Variants in RNF135 observed in about 807,000 individuals in gnomAD.
The protein encoded by RNF135 is ring finger protein 135.
Under a neutral mutation model 41.9 loss-of-function variants are expected in RNF135, and 46 were observed. That is an observed-to-expected ratio of 1.10 (90% CI 0.87 to 1.40). The LOEUF (loss-of-function observed/expected upper bound fraction) is 1.40. Among genes scored for constraint, RNF135 ranks in the 40% most tolerant of loss-of-function variants. The pLI is 0.00. For synonymous variants in RNF135, 238 were observed against 223.8 expected (o/e 1.06, Z -0.57); for missense variants, 539 against 549.8 (o/e 0.98, Z 0.20).
rs1405577928 is a variant in RNF135 at position 30,999,257 on chromosome 17, AACTTG to A, written c.*71_*75del. 6 of 1,549,520 alleles carry A rather than the reference AACTTG, an allele frequency of 3.9e-6. No homozygotes were observed. The highest frequency in any genetic ancestry group is 5.3e-6 in the Non-Finnish European group (6 of 1,133,974). ...TCTCCCTGTCATCAATCAGGGTAGTAACTTGACTTAAGAATACCACTTTTTAGAAA... is the reference window on the plus strand; with the variant it reads ...TCTCCCTGTCATCAATCAGGGTAGTAACTTAAGAATACCACTTTTTAGAAA... On this transcript the variant is annotated 3_prime_UTR_variant, in exon 5 of 5. Coordinates refer to ENST00000328381, the MANE Select transcript of RNF135 (RefSeq NM_032322.4).
chr17:30,984,364 A>T (rs766179946), intron 1 of RNF135, among the ~76,000 whole-genome samples: 2 of 152,170 alleles, frequency 1.3e-5, no homozygotes, highest in Non-Finnish European at 2.9e-5. Context: ...ATTCTTTTGC[A>T]TATAGATATC....
chr17:30,971,429 G>T lies in RNF135; in HGVS notation c.356G>T (p.Arg119Leu). The T allele has an allele frequency of 1.3e-6, 2 of 1,514,310 alleles. No homozygotes were observed. Among genetic ancestry groups the T allele is most frequent in the Non-Finnish European group, 1.8e-6 (2 of 1,138,662 alleles). 93.8% of individuals were successfully genotyped at this position (1,514,310 alleles called of 1,614,324 possible). ...LSSAAARPRR[R>L]PELQRVAVEK... ...AGCGCGGCCGCGAGGCCCCGGCGCC[G>T]CCCGGAACTGCAGCGGGTAGGGAGG... Residue 119 changes from arginine to leucine, a missense_variant, in exon 1 of 5, where the codon CGC becomes CTC. Coordinates refer to ENST00000328381, the MANE Select transcript of RNF135 (RefSeq NM_032322.4).
intron 1 of RNF135, chr17:30,973,189 C>T (rs1906141805): frequency 6.6e-6 from 1 of 152,056 alleles, no homozygotes; most frequent in African/African-American, 2.4e-5. Context: ...AGTCCTTTGA[C>T]CATTTTAAAA....
chr17:30,998,624 C>T (rs940233467), intron 4 of RNF135, 38 bp from the exon 5 acceptor site: 2 of 1,602,428 alleles, frequency 1.2e-6, no homozygotes, highest in Non-Finnish European at 1.7e-6. Flanking sequence ...CAAAAGATGA[C>T]CGGCCATGTT....
intron 1 of RNF135, chr17:30,975,507 C>T (rs529701933): frequency 1.3e-4 from 104 of 777,592 alleles, no homozygotes; most frequent in Admixed American, 7.3e-4. Context: ...AACCCATACC[C>T]AAACCCCTGC....
At chr17:30,970,990 A>T, upstream of RNF135, 1 of 1,515,742 alleles carries the variant, frequency 6.6e-7, no homozygotes, top group Non-Finnish European at 8.8e-7. Context: ...GAGGAGGGCA[A>T]GGGGAAGAGG....
In RNF135 at chr17:30,999,666, A is replaced by G. The variant is rs1054933417; in HGVS notation, c.*475A>G. On this transcript the variant is annotated 3_prime_UTR_variant, in exon 5 of 5. Coordinates refer to ENST00000328381, the MANE Select transcript of RNF135 (RefSeq NM_032322.4). ...GCCATGTGGGCAGTGAAGCATGCCA[A>G]TGTGATCAATCCCTAGTAAAAGCCC... is the stretch of plus-strand genomic sequence containing the variant. The G allele has an allele frequency of 3.3e-5, 6 of 181,206 alleles. No individual in the cohort carries two copies. Among genetic ancestry groups the G allele is most frequent in the African/African-American group, 1.4e-4 (6 of 42,470 alleles). 11.2% of individuals were successfully genotyped at this position (181,206 alleles called of 1,614,324 possible). A position where few individuals can be genotyped will look rare whatever the true frequency, so the allele number is the denominator to read the frequency against.
Position 30,971,213 on chromosome 17 carries a change from C to T in RNF135, c.140C>T (p.Ala47Val). The change falls in exon 1 of 5, where the codon GCC (alanine) becomes GTC (valine). Residue 47 changes from alanine (A) to valine (V), a missense_variant. This residue lies in a region of RNF135 where 277 missense variants were observed against 212.8 expected (regional missense o/e 1.30). Transcript: ENST00000328381. ...AGCTTCTGCCGCCACTGCCTGGAGG[C>T]CCTGTGGGGCGCCCGCGACGCCCGC... Reference protein sequence around the residue: ...GHSFCRHCLEALWGARDARRW... With the variant: ...GHSFCRHCLEVLWGARDARRW... 3 of 1,514,350 alleles carry T rather than the reference C, an allele frequency of 2.0e-6. No individual in the cohort carries two copies. Among genetic ancestry groups the T allele is most frequent in the South Asian group, 1.2e-5 (1 of 81,754 alleles). The allele number at this position is 1,514,350 out of a possible 1,614,324, so 93.8% of individuals were successfully genotyped here. A position where few individuals can be genotyped will look rare whatever the true frequency, so the allele number is the denominator to read the frequency against.
chr17:30,971,256 T>C lies in RNF135; in HGVS notation c.183T>C (p.Thr61=), dbSNP rs1905891674. The change falls in exon 1 of 5, where the codon ACT becomes ACC. Residue 61 remains threonine (T), a synonymous_variant. Transcript: ENST00000328381. The stretch of plus-strand genomic sequence containing the variant: ...ACGCCCGCCGCTGGGCCTGCCCCAC[T>C]TGCCGCCAGGGCGCCGCGCAGCAGC... ...ARDARRWACP[T]CRQGAAQQPH... is the part of the protein sequence containing the mutation. 3 of 1,522,314 alleles carry C rather than the reference T, an allele frequency of 2.0e-6. No homozygotes were observed. Among genetic ancestry groups the C allele is most frequent in the Admixed American group, 2.0e-5 (1 of 49,336 alleles). 94.3% of individuals were successfully genotyped at this position (1,522,314 alleles called of 1,614,324 possible). A position where few individuals can be genotyped will look rare whatever the true frequency, so the allele number is the denominator to read the frequency against.
intron 1 of RNF135, chr17:30,972,450 ATTAG>A (rs1434285613): frequency 1.3e-5 from 2 of 152,076 alleles, no homozygotes; most frequent in Admixed American, 6.6e-5. Context: ...TCAGTGACAA[ATTAG>A]TTACATTTCC....
At chr17:30,967,290 A>G (rs968392685), upstream of RNF135, among the ~76,000 whole-genome samples, 3 of 152,094 alleles carry the variant, frequency 2.0e-5, no homozygotes, top group African/African-American at 7.2e-5. Context: ...TTGGCCTCTC[A>G]AAGTGCTGGG....
At chr17:30,975,328 A>T in intron 1 of RNF135, 1 of 675,054 alleles carries the variant, frequency 1.5e-6, no homozygotes, top group Non-Finnish European at 2.7e-6. Context: ...GTTTCCCCTT[A>T]AAAAAATATT....
intron 3 of RNF135, among the ~76,000 whole-genome samples, chr17:30,992,499 T>C (rs1908053200): frequency 6.6e-6 from 1 of 152,074 alleles, no homozygotes; most frequent in Non-Finnish European, 1.5e-5. Context: ...AAGGTCTTAC[T>C]TTGTTTCCCA....
At chr17:30,965,626 T>G in the RNF135 span, 1 of 152,232 alleles carries the variant, frequency 6.6e-6, no homozygotes, top group Non-Finnish European at 1.5e-5. Context: ...AACGGGTTCT[T>G]CCTGCCCACT....
chr17:30,960,654 T>C, the RNF135 span, among the ~76,000 whole-genome samples: 537 of 152,146 alleles, frequency 3.5e-3, 2 homozygotes, highest in Non-Finnish European at 6.3e-3. Context: ...TCATTATAGA[T>C]TGTACTTTCA....
intron 1 of RNF135, among the ~76,000 whole-genome samples, chr17:30,973,526 G>C (rs940090189): frequency 6.6e-6 from 1 of 151,400 alleles, no homozygotes; most frequent in African/African-American, 2.4e-5. Context: ...GGAGTGCAGT[G>C]ACACGATCTC....
At chr17:30,969,907 G>A (rs1905750323), upstream of RNF135, among the ~76,000 whole-genome samples, 1 of 151,896 alleles carries the variant, frequency 6.6e-6, no homozygotes, top group Non-Finnish European at 1.5e-5. Context: ...TGGGATTACA[G>A]GCATGCGCCA....
intron 4 of RNF135, 90 bp downstream of exon 4, chr17:30,997,421 C>T: frequency 2.7e-6 from 3 of 1,102,694 alleles, no homozygotes; most frequent in Non-Finnish European, 4.1e-6. Flanking sequence ...ACTGCTAGGG[C>T]CACTCCTTGG....
intron 4 of RNF135, among the ~76,000 whole-genome samples, chr17:30,997,927 C>T (rs781608667): frequency 1.3e-5 from 2 of 152,192 alleles, no homozygotes; most frequent in Non-Finnish European, 2.9e-5. Flanking sequence ...AATTTATTCA[C>T]TCAATAGGAA....
Sources: allele counts gnomAD v4.1 joint callset (sites outside exome capture counted in the v4.1 genomes callset), GRCh38; gene constraint gnomAD v4.1.1; regional missense constraint gnomAD v4.1.1; transcripts MANE v1.5; gene names NCBI Gene and HGNC (gene_info 2026-07-23, HGNC 2026-07-21).